EHMT2: variants seen among roughly 807,000 people sequenced by gnomAD.
EHMT2 encodes histone-lysine N-methyltransferase EHMT2.
Under a neutral mutation model 143.3 loss-of-function variants are expected in EHMT2, and 59 were observed. The observed-to-expected ratio is 0.41, with a 90% CI of 0.33 to 0.51. EHMT2 has a LOEUF of 0.51. Ranked by LOEUF, EHMT2 falls within the 20% of genes least tolerant of loss-of-function variation. The pLI is 0.18. For synonymous variants in EHMT2, 604 were observed against 651.5 expected (o/e 0.93, Z 1.11); for missense variants, 1,174 against 1,645.9 (o/e 0.71, Z 4.96).
chr6:31,882,293 C>T (rs115646381), intron 25 of EHMT2, among the ~76,000 whole-genome samples: 5,426 of 152,038 alleles, frequency 0.036, 115 homozygotes, highest in South Asian at 0.051. Context: ...ACTCTACAGA[C>T]AAGAAAAATA....
exon 2 of EHMT2, chr6:31,896,978 G>A (rs752615846): frequency 1.4e-5 from 22 of 1,578,332 alleles, no homozygotes; most frequent in South Asian, 5.8e-5. Context: ...CCATCTCAGC[G>A]GGGGCCTCCC....
exon 4 of EHMT2, chr6:31,896,470 G>C: frequency 6.2e-7 from 1 of 1,613,034 alleles, no homozygotes; most frequent in Non-Finnish European, 8.5e-7. Flanking sequence ...GGCTAGGACA[G>C]GAACCCCCCT....
rs1249431768 is a variant in EHMT2 at position 31,888,929 on chromosome 6, C to T, written c.1216+40G>A. The T allele has an allele frequency of 8.4e-6, 13 of 1,553,684 alleles. No homozygotes were observed. Among genetic ancestry groups the T allele is most frequent in the African/African-American group, 4.1e-5 (3 of 73,726 alleles). ...TTCCCTTTCCCTCCTGCCCTGAGGT[C>T]GCCCCCTAGTGGCTCCCTGTCCCGG... On this transcript the variant is annotated intron_variant, in intron 10 of 27. Coordinates refer to ENST00000375537, the Ensembl canonical transcript of EHMT2. This position sits in a 1 kb window ranked among gnomAD's most constrained non-coding sequence, Gnocchi z 7.4.
chr6:31,896,845 TTCAGAGCTAAGGGCTCAGGAGA>T (rs748961628), intron 2 of EHMT2, 21 bp from the exon 3 acceptor site: 1 of 1,612,504 alleles, frequency 6.2e-7, no homozygotes, highest in South Asian at 1.1e-5. Flanking sequence ...AGAGAAAAAG[TTCAGAGCTAAGGGCTCAGGAGA>T]TCCTGTGTTT....
In EHMT2 at chr6:31,889,688, C is replaced by T. The variant is rs1177626973; in HGVS notation, c.865-86G>A. ...AGAAAACCACCACCACCATTGCCCCCCGCCACTACCCACGGATGGCTGCTG... is the reference window on the plus strand; with the variant it reads ...AGAAAACCACCACCACCATTGCCCCTCGCCACTACCCACGGATGGCTGCTG... On this transcript the variant is annotated intron_variant, in intron 7 of 27. Coordinates refer to ENST00000375537, the Ensembl canonical transcript of EHMT2. This position sits in a 1 kb window ranked among gnomAD's most constrained non-coding sequence, Gnocchi z 5.1. 1 of 1,541,032 alleles carries T rather than the reference C, an allele frequency of 6.5e-7. No homozygotes were observed. The highest frequency in any genetic ancestry group is 1.7e-5 in the Admixed American group (1 of 57,578).
At position 31,886,979 on chromosome 6, in the gene EHMT2, C is replaced by A; in HGVS notation, c.2118+16G>T. On this transcript the variant is annotated intron_variant, in intron 16 of 27. Transcript: ENST00000375537. The stretch of plus-strand genomic sequence containing the variant: ...AGGGCCTGGTGAATGAGGCATGGGG[C>A]CGGGCCCGTGCTGACCTGCAGCAGC... 1 of 1,613,932 alleles carries A rather than the reference C, an allele frequency of 6.2e-7. No individual in the cohort carries two copies. The highest frequency in any genetic ancestry group is 8.5e-7 in the Non-Finnish European group (1 of 1,179,992).
At position 31,880,549 on chromosome 6, in the gene EHMT2, C is replaced by T; in HGVS notation, c.3452+124G>A. 1 of 1,089,218 alleles carries T rather than the reference C, an allele frequency of 9.2e-7. No individual in the cohort carries two copies. Among genetic ancestry groups the T allele is most frequent in the Non-Finnish European group, 1.3e-6 (1 of 760,686 alleles). 67.5% of individuals were successfully genotyped at this position (1,089,218 alleles called of 1,614,324 possible). ...GTCCTCCAGGAAATACTTATGTACA[C>T]TGAAATCTGAGAAGCTCTGCACTAC... On this transcript the variant is annotated intron_variant, in intron 27 of 27. Coordinates refer to ENST00000375537, the Ensembl canonical transcript of EHMT2. This position sits in a 1 kb window ranked among gnomAD's most constrained non-coding sequence, Gnocchi z 6.6.
rs749808434 is a variant in EHMT2, at chr6:31,883,769, G to A, written c.2916+37C>T. On this transcript the variant is annotated intron_variant, in intron 22 of 27. Transcript: ENST00000375537. The surrounding 1 kb of genome is among the most constrained non-coding windows in gnomAD (Gnocchi z 5.6). ...TGTCCAACTGTACTTGGCAGCTCTCGGTGTCCTTTTGGGGAGGCCCCGGGC... is the reference window on the plus strand; with the variant it reads ...TGTCCAACTGTACTTGGCAGCTCTCAGTGTCCTTTTGGGGAGGCCCCGGGC... 19 of 1,606,076 alleles carry A rather than the reference G, an allele frequency of 1.2e-5. No homozygotes were observed. Among genetic ancestry groups the A allele is most frequent in the Middle Eastern group, 1.8e-4 (1 of 5,544 alleles).
chr6:31,891,067 C>T (rs1765618986), intron 7 of EHMT2, among the ~76,000 whole-genome samples: 1 of 151,772 alleles, frequency 6.6e-6, no homozygotes, highest in African/African-American at 2.4e-5. Flanking sequence ...CTCAGCCTCC[C>T]GAGTAGCTGG....
At position 31,884,879 on chromosome 6, in the gene EHMT2, G is replaced by A. The variant is rs751615708; in HGVS notation, c.2448+33C>T. 3 of 1,588,730 alleles carry A rather than the reference G, an allele frequency of 1.9e-6. No individual in the cohort carries two copies. The highest frequency in any genetic ancestry group is 1.7e-5 in the Admixed American group (1 of 58,686). The stretch of plus-strand genomic sequence containing the variant: ...AGCCTCCACCTTGCTCAGGGGCCTG[G>A]GGCTGCCCTACCTCAACCAAACGCT... On this transcript the variant is annotated intron_variant, in intron 19 of 27. Transcript: ENST00000375537. The surrounding 1 kb of genome is among the most constrained non-coding windows in gnomAD (Gnocchi z 7.3).
At position 31,889,136 on chromosome 6, in the gene EHMT2, G is replaced by A; in HGVS notation, c.1115-66C>T. On this transcript the variant is annotated intron_variant, in intron 9 of 27. Coordinates refer to ENST00000375537, the Ensembl canonical transcript of EHMT2. The surrounding 1 kb of genome is among the most constrained non-coding windows in gnomAD (Gnocchi z 5.1). Reference sequence around the variant, plus strand: ...GTGCCTGGACGCGTGGGTACATGCAGGTGGACATGCGAGAGCGTGTGTGTG... The same window carrying A: ...GTGCCTGGACGCGTGGGTACATGCAAGTGGACATGCGAGAGCGTGTGTGTG... The A allele has an allele frequency of 2.0e-6, 3 of 1,535,712 alleles. No homozygotes were observed. Among genetic ancestry groups the A allele is most frequent in the Non-Finnish European group, 1.8e-6 (2 of 1,126,690 alleles).
At chr6:31,882,742 C>A (rs762696105) in exon 25 of EHMT2, 2 of 1,612,498 alleles carry the variant, frequency 1.2e-6, no homozygotes, top group Non-Finnish European at 8.5e-7. Context: ...AGGGCGCGGA[C>A]CCCCCAGCCC....
intron 7 of EHMT2, among the ~76,000 whole-genome samples, chr6:31,891,428 T>C (rs749753593): frequency 9.2e-5 from 14 of 152,240 alleles, no homozygotes; most frequent in Admixed American, 1.3e-4. Context: ...AGAGGCCTTA[T>C]ATTTACAAAT....
intron 5 of EHMT2, 27 bp downstream of exon 5, chr6:31,892,799 C>A (rs9267661): frequency 6.2e-7 from 1 of 1,612,118 alleles, no homozygotes; most frequent in Non-Finnish European, 8.5e-7. Flanking sequence ...CCACATCAAG[C>A]CACCGGGGGT....
rs1764467922 is a variant in EHMT2 at position 31,884,009 on chromosome 6, A to G, written c.2772-59T>C. ...GGAAAAGGGGGTGAGGAGCTACTCCAGGTATAAGGAAGAGAGTTGGGGAGG... is the reference window on the plus strand; with the variant it reads ...GGAAAAGGGGGTGAGGAGCTACTCCGGGTATAAGGAAGAGAGTTGGGGAGG... On this transcript the variant is annotated intron_variant, in intron 21 of 27. Coordinates refer to ENST00000375537, the Ensembl canonical transcript of EHMT2. This position sits in a 1 kb window ranked among gnomAD's most constrained non-coding sequence, Gnocchi z 7.3. 1.3e-6 allele frequency: 2 copies of G among 1,581,794 alleles called. No homozygotes were observed. Among genetic ancestry groups the G allele is most frequent in the African/African-American group, 1.3e-5 (1 of 74,324 alleles).
At chr6:31,894,632 T>C (rs1190876288) in intron 4 of EHMT2, among the ~76,000 whole-genome samples, 2 of 152,116 alleles carry the variant, frequency 1.3e-5, no homozygotes, top group Admixed American at 6.6e-5. Context: ...TCCCCTCTTA[T>C]CCAGTTCATC....
At position 31,883,051 on chromosome 6, in the gene EHMT2, C is replaced by T. The variant is rs1292214732; in HGVS notation, c.2995-42G>A. 3 of 1,566,696 alleles carry T rather than the reference C, an allele frequency of 1.9e-6. No individual in the cohort carries two copies. Among genetic ancestry groups the T allele is most frequent in the Admixed American group, 1.7e-5 (1 of 57,860 alleles). On this transcript the variant is annotated intron_variant, in intron 23 of 27. Transcript: ENST00000375537. The surrounding 1 kb of genome is among the most constrained non-coding windows in gnomAD (Gnocchi z 5.6). The stretch of plus-strand genomic sequence containing the variant: ...AGGATAGTGGTTTCTCTGTGGGGCC[C>T]ACCTCAGCTGCCCACCCAGGAACCC...
chr6:31,896,535 A>C lies in EHMT2; in HGVS notation c.329-19T>G. ...GCATGGCCTAGAAAACAGGCAAGCA[A>C]AAGGCAAGATAAGAAAGAAGGCAAG... On this transcript the variant is annotated intron_variant, in intron 3 of 27. Coordinates refer to ENST00000375537, the Ensembl canonical transcript of EHMT2. 1 of 1,611,452 alleles carries C rather than the reference A, an allele frequency of 6.2e-7. No individual in the cohort carries two copies. Among genetic ancestry groups the C allele is most frequent in the Non-Finnish European group, 8.5e-7 (1 of 1,179,040 alleles).
Position 31,888,633 on chromosome 6 carries a change from T to G in EHMT2, c.1331A>C (p.His444Pro). ...CACACTCTCAGTGGCCATGCACTTGTGCCCCGCCCTCTCGCTGATGCGGTC... is the reference window on the plus strand; with the variant it reads ...CACACTCTCAGTGGCCATGCACTTGGGCCCCGCCCTCTCGCTGATGCGGTC... Residue 444 changes from histidine (H) to proline (P), a missense_variant, in exon 11 of 28, where the codon CAC (histidine) becomes CCC (proline). Physicochemically the swap from His to Pro is moderately conservative, Grantham distance 77. Transcript: ENST00000375537. The surrounding 1 kb of genome is among the most constrained non-coding windows in gnomAD (Gnocchi z 7.4). The G allele has an allele frequency of 1.2e-6, 2 of 1,613,562 alleles. No homozygotes were observed. Among genetic ancestry groups the G allele is most frequent in the South Asian group, 1.1e-5 (1 of 91,090 alleles).
Sources: gnomAD v4.1 joint callset for allele counts (sites outside exome capture counted in the v4.1 genomes callset) on GRCh38, gnomAD v4.1.1 for gene constraint, Gnocchi (gnomAD v3.1) non-coding constraint, MANE v1.5 for transcripts, NCBI Gene and HGNC (gene_info 2026-07-23, HGNC 2026-07-21) for gene names.